The following FGGY variants were observed in gnomAD, a reference collection of about 807,000 sequenced individuals.
The protein encoded by FGGY is FGGY carbohydrate kinase domain containing, also known as FGGY carbohydrate kinase domain-containing protein.
A neutral mutation model predicts 71.3 loss-of-function variants in FGGY; 72 were observed. The ratio of observed to expected loss-of-function variants is 1.01; its 90% CI spans 0.84 to 1.23. The LOEUF is 1.23. Ranked by LOEUF, FGGY falls within the 50% of genes most tolerant of loss-of-function variation. The pLI, the probability that FGGY is intolerant of heterozygous loss-of-function variation, is 0.00. For synonymous variants in FGGY, 251 were observed against 250.3 expected, an observed-to-expected ratio of 1.00 and a Z score of -0.02; for missense variants, 668 against 682.3, an observed-to-expected ratio of 0.98 and a Z score of 0.23.
chr1:59,584,560 A>G (rs1247428126), intron 8 of FGGY, among the ~76,000 whole-genome samples: 2 of 150,048 alleles, frequency 1.3e-5, no homozygotes, highest in African/African-American at 5.0e-5. Context: ...CACAGCCAAT[A>G]TCATACTGAA....
chr1:59,683,806 T>A (rs560453439), intron 14 of FGGY, among the ~76,000 whole-genome samples: 10 of 152,360 alleles, frequency 6.6e-5, no homozygotes, highest in African/African-American at 2.4e-4. Context: ...GTAGGGCAAA[T>A]TAGTAATTAA....
rs115976710 is a variant in FGGY at position 59,458,889 on chromosome 1, C to T, written c.670+1813C>T. Among the ~76,000 whole-genome samples the T allele has an allele frequency of 4.0e-3, 614 of 152,284 alleles. 7 individuals are homozygous for T. The highest frequency in any genetic ancestry group is 0.014 in the African/African-American group (588 of 41,570). ...TATTCTCAGTTGTGACTTTCAGAAA[C>T]TCCTCTGGAAGCTACCTCTAGACAT... On this transcript the variant is annotated intron_variant, in intron 6 of 15. Transcript: ENST00000303721.
At chr1:59,570,639 C>G (rs1259778028) in intron 8 of FGGY, among the ~76,000 whole-genome samples, 1 of 152,008 alleles carries the variant, frequency 6.6e-6, no homozygotes, top group East Asian at 1.9e-4. Flanking sequence ...GCAGACAAAC[C>G]CAGAAACCAG....
intron 6 of FGGY, among the ~76,000 whole-genome samples, chr1:59,495,215 A>G (rs1276126859): frequency 1.3e-5 from 2 of 152,006 alleles, no homozygotes; most frequent in Non-Finnish European, 2.9e-5. Flanking sequence ...AAATTCCTTA[A>G]ATATTCTGGG....
intron 5 of FGGY, among the ~76,000 whole-genome samples, chr1:59,432,875 C>T (rs1027325354): frequency 6.6e-5 from 10 of 152,278 alleles, no homozygotes; most frequent in South Asian, 2.1e-4. Flanking sequence ...AATAAGTAAA[C>T]GGCAAAGCTA....
At chr1:59,731,020 G>A (rs2098020751) in intron 14 of FGGY, among the ~76,000 whole-genome samples, 2 of 152,256 alleles carry the variant, frequency 1.3e-5, no homozygotes, top group Admixed American at 1.3e-4. Context: ...CCAATGCTGA[G>A]TGATGGAGCA....
intron 8 of FGGY, among the ~76,000 whole-genome samples, chr1:59,577,911 C>T (rs1156394016): frequency 6.6e-6 from 1 of 152,138 alleles, no homozygotes; most frequent in Non-Finnish European, 1.5e-5. Context: ...CATACACACT[C>T]TCTGTTTCAG....
chr1:59,303,286 A>G (rs1239553144), intron 1 of FGGY, among the ~76,000 whole-genome samples: 2 of 152,176 alleles, frequency 1.3e-5, no homozygotes, highest in Admixed American at 1.3e-4. Context: ...AATCCCTGGT[A>G]ACCACCATTC....
At chr1:59,565,252 A>G (rs1571345231) in intron 8 of FGGY, among the ~76,000 whole-genome samples, 2 of 152,188 alleles carry the variant, frequency 1.3e-5, no homozygotes, top group East Asian at 3.8e-4. Context: ...CAGAGAGACA[A>G]GTGACTTATC....
intron 7 of FGGY, among the ~76,000 whole-genome samples, chr1:59,526,021 C>T (rs779001838): frequency 1.3e-5 from 2 of 152,106 alleles, no homozygotes; most frequent in Admixed American, 6.5e-5. Flanking sequence ...TGTGCATGCA[C>T]ATGTTTGCAT....
intron 7 of FGGY, among the ~76,000 whole-genome samples, chr1:59,514,617 G>T (rs1304613722): frequency 6.6e-6 from 1 of 152,180 alleles, no homozygotes; most frequent in African/African-American, 2.4e-5. Context: ...CCCACATGTT[G>T]TGGGAGGGAC....
intron 7 of FGGY, among the ~76,000 whole-genome samples, chr1:59,523,523 T>G (rs752285602): frequency 6.6e-6 from 1 of 152,214 alleles, no homozygotes; most frequent in Non-Finnish European, 1.5e-5. Context: ...GAGAAATAAT[T>G]TTAAAAATTT....
At chr1:59,351,133 G>A (rs1009399212) in intron 4 of FGGY, among the ~76,000 whole-genome samples, 1 of 152,294 alleles carries the variant, frequency 6.6e-6, no homozygotes, top group African/African-American at 2.4e-5. Flanking sequence ...AGTTTGATTG[G>A]AACACAGCCA....
intron 14 of FGGY, among the ~76,000 whole-genome samples, chr1:59,729,330 A>G (rs190995948): frequency 3.3e-5 from 5 of 152,144 alleles, no homozygotes; most frequent in African/African-American, 1.2e-4. Context: ...GCATTAAATT[A>G]TCTGATAATT....
intron 6 of FGGY, among the ~76,000 whole-genome samples, chr1:59,504,849 A>G (rs1427764539): frequency 6.6e-6 from 1 of 152,156 alleles, no homozygotes; most frequent in Non-Finnish European, 1.5e-5. Context: ...GTCTAAATTA[A>G]TTGATCTTTG....
At chr1:59,371,856 C>T (rs1324032919) in intron 4 of FGGY, among the ~76,000 whole-genome samples, 1 of 152,180 alleles carries the variant, frequency 6.6e-6, no homozygotes, top group Admixed American at 6.5e-5. Flanking sequence ...TTCTTTGAAA[C>T]CAATGAGAAC....
chr1:59,381,199 G>A (rs1373880604), intron 5 of FGGY, among the ~76,000 whole-genome samples: 3 of 152,144 alleles, frequency 2.0e-5, no homozygotes, highest in Non-Finnish European at 4.4e-5. Context: ...CTGTAGCCTT[G>A]TAATATAGTT....
intron 7 of FGGY, among the ~76,000 whole-genome samples, chr1:59,541,261 G>A (rs1361367129): frequency 6.6e-6 from 1 of 152,166 alleles, no homozygotes; most frequent in African/African-American, 2.4e-5. Context: ...CAGCCCCATA[G>A]AAAGATGATG....
intron 7 of FGGY, among the ~76,000 whole-genome samples, chr1:59,524,100 C>T (rs1297125141): frequency 6.6e-6 from 1 of 152,254 alleles, no homozygotes; most frequent in African/African-American, 2.4e-5. Flanking sequence ...AATGCTTGCT[C>T]CTACTCCCTG....
Sources: gnomAD v4.1 joint callset for allele counts (sites outside exome capture counted in the v4.1 genomes callset) on GRCh38, gnomAD v4.1.1 for gene constraint, MANE v1.5 for transcripts, NCBI Gene and HGNC (gene_info 2026-07-23, HGNC 2026-07-21) for gene names.